PTK2: variants seen among roughly 807,000 people sequenced by gnomAD.
The protein encoded by PTK2 is focal adhesion kinase 1.
In PTK2, 45 loss-of-function variants were observed where a neutral mutation model predicts 150.1. The ratio of observed to expected loss-of-function variants is 0.30; its 90% confidence interval spans 0.24 to 0.38. The LOEUF (loss-of-function observed/expected upper bound fraction) is 0.38, where lower values mean the gene tolerates loss of function less well. Among genes scored for constraint, PTK2 ranks in the 10% least tolerant of loss-of-function variants. PTK2 has a pLI of 1.00. For missense variants in PTK2, 919 were observed against 1,307.3 expected (o/e 0.70, Z 4.58); for synonymous variants, 432 against 449.2 (o/e 0.96, Z 0.48).
chr8:140,743,413 G>C, intron 19 of PTK2, 83 bp from the exon 23 acceptor site: 1 of 1,034,304 alleles, frequency 9.7e-7, no homozygotes. Flanking sequence ...ATACCAATAG[G>C]CACTTTGAAA....
intron 5 of PTK2, among the ~76,000 whole-genome samples, chr8:140,847,541 T>C (rs2100126327): frequency 6.6e-6 from 1 of 152,186 alleles, no homozygotes; most frequent in African/African-American, 2.4e-5. Flanking sequence ...CATTTTGAAC[T>C]TCACATGAAA....
At chr8:140,693,846 A>T (rs1042513905) in intron 26 of PTK2, among the ~76,000 whole-genome samples, 1 of 152,120 alleles carries the variant, frequency 6.6e-6, no homozygotes, top group Non-Finnish European at 1.5e-5. Flanking sequence ...ATGTCTTCTG[A>T]CATCTAAAAT....
At chr8:140,706,475 A>G (rs1377705589) in intron 23 of PTK2, among the ~76,000 whole-genome samples, 1 of 152,246 alleles carries the variant, frequency 6.6e-6, no homozygotes, top group Non-Finnish European at 1.5e-5. Flanking sequence ...GTCTAAATGT[A>G]AAAGTTAAAA....
At chr8:140,989,852 G>A (rs2100194998) in intron 1 of PTK2, among the ~76,000 whole-genome samples, 1 of 150,490 alleles carries the variant, frequency 6.6e-6, no homozygotes, top group South Asian at 2.1e-4. Flanking sequence ...AGGTTGCGGT[G>A]AGCCGAGGTT....
intron 29 of PTK2, 170 bp from the exon 33 acceptor site, chr8:140,669,905 A>AG (rs1416475662): frequency 4.1e-6 from 3 of 732,434 alleles, no homozygotes; most frequent in Non-Finnish European, 6.8e-6. Flanking sequence ...CACTGTTGCC[A>AG]GGGTGTGGCT....
At position 140,894,843 on chromosome 8, in the gene PTK2, A is replaced by G. The variant is rs565016328; in HGVS notation, c.-32-4074T>C. Among the ~76,000 whole-genome samples the G allele has an allele frequency of 2.0e-5, 3 of 152,344 alleles. No individual in the cohort carries two copies. The East Asian group carries it at 5.8e-4, about 29-fold the overall frequency. On this transcript the variant is annotated intron_variant, in intron 2 of 31. Transcript: ENST00000522684. Reference sequence around the variant, plus strand: ...TCTGAGTATACATGAATACACCCTTATAACTTTTGGTACGCTATAGAAGAT... The same window carrying G: ...TCTGAGTATACATGAATACACCCTTGTAACTTTTGGTACGCTATAGAAGAT...
At chr8:140,734,217 A>G (rs2100051230) in intron 22 of PTK2, among the ~76,000 whole-genome samples, 1 of 152,240 alleles carries the variant, frequency 6.6e-6, no homozygotes, top group Admixed American at 6.5e-5. Context: ...AAACAAACCC[A>G]TAAAAACTCA....
chr8:140,901,084 C>T (rs2154607688), intron 2 of PTK2, among the ~76,000 whole-genome samples: 1 of 152,244 alleles, frequency 6.6e-6, no homozygotes, highest in South Asian at 2.1e-4. Flanking sequence ...GAATGGAGAT[C>T]TCAAATATAA....
At chr8:140,802,481 T>A (rs1239178392) in intron 11 of PTK2, among the ~76,000 whole-genome samples, 1 of 152,326 alleles carries the variant, frequency 6.6e-6, no homozygotes, top group Non-Finnish European at 1.5e-5. Context: ...TAAAAGTTAC[T>A]GTAAGCTAAT....
At chr8:140,844,376 G>A (rs1567405572) in intron 7 of PTK2, among the ~76,000 whole-genome samples, 1 of 151,960 alleles carries the variant, frequency 6.6e-6, no homozygotes, top group Non-Finnish European at 1.5e-5. Flanking sequence ...TTTGAGAGAG[G>A]GTATTTACAT....
intron 30 of PTK2, among the ~76,000 whole-genome samples, chr8:140,667,939 A>G (rs1351701036): frequency 6.6e-6 from 1 of 152,220 alleles, no homozygotes. Context: ...TCAAGTTTAC[A>G]TAAATGGCAT....
At chr8:140,746,098 G>A (rs1045446819) in intron 18 of PTK2, among the ~76,000 whole-genome samples, 3 of 152,058 alleles carry the variant, frequency 2.0e-5, no homozygotes, top group African/African-American at 4.8e-5. Context: ...TTGCGAGGCC[G>A]AGGCAGGCGG....
intron 1 of PTK2, among the ~76,000 whole-genome samples, chr8:140,937,209 G>A (rs1309534484): frequency 6.6e-6 from 1 of 152,084 alleles, no homozygotes; most frequent in Non-Finnish European, 1.5e-5. Context: ...ATAAGTGATG[G>A]AGGGCAAGAA....
chr8:140,976,103 T>C (rs1280149764), intron 1 of PTK2, among the ~76,000 whole-genome samples: 1 of 152,186 alleles, frequency 6.6e-6, no homozygotes, highest in African/African-American at 2.4e-5. Context: ...CTACACTTTA[T>C]AAATAAGGAC....
At chr8:140,764,601 C>G (rs139426239) in intron 14 of PTK2, 6 of 418,600 alleles carry the variant, frequency 1.4e-5, no homozygotes, top group Middle Eastern at 6.1e-4. Flanking sequence ...ATCTACCAAC[C>G]GCAAAGCTCT....
chr8:140,896,793 G>GGGGC lies in PTK2; in HGVS notation c.-32-6025_-32-6024insGCCC, dbSNP rs1555343121. On this transcript the variant is annotated intron_variant, in intron 2 of 31. Coordinates refer to ENST00000522684, the Ensembl canonical transcript of PTK2. ...CCCCCTTCCCCCCAAAAAAACGGGG[G>GGGGC]GGGGGGGTGGGTAAAACATAAACAT... Among the ~76,000 whole-genome samples the GGGGC allele has an allele frequency of 6.4e-5, 8 of 124,744 alleles. 1 individual carries two copies. Among genetic ancestry groups the GGGGC allele is most frequent in the Admixed American group, 6.1e-4 (8 of 13,044 alleles). 81.8% of individuals were successfully genotyped at this position (124,744 alleles called of 152,430 possible). A position where few individuals can be genotyped will look rare whatever the true frequency, so the allele number is the denominator to read the frequency against.
chr8:140,813,295 T>C (rs1247520361), intron 10 of PTK2, among the ~76,000 whole-genome samples: 3 of 151,658 alleles, frequency 2.0e-5, no homozygotes, highest in Admixed American at 6.6e-5. Context: ...GGGTAAATAA[T>C]GAAATTAAGG....
chr8:140,729,513 G>T (rs995585567), intron 22 of PTK2, among the ~76,000 whole-genome samples: 1 of 152,174 alleles, frequency 6.6e-6, no homozygotes, highest in Non-Finnish European at 1.5e-5. Context: ...AAAATACTTT[G>T]AAAGTACAAA....
intron 1 of PTK2, among the ~76,000 whole-genome samples, chr8:140,978,497 G>C (rs1231809714): frequency 1.3e-5 from 2 of 152,122 alleles, no homozygotes; most frequent in African/African-American, 2.4e-5. Context: ...GCAGCCAAGA[G>C]ACACATGAAA....
Sources: allele counts gnomAD v4.1 joint callset (sites outside exome capture counted in the v4.1 genomes callset), GRCh38; gene constraint gnomAD v4.1.1; transcripts MANE v1.5; gene names NCBI Gene and HGNC (gene_info 2026-07-23, HGNC 2026-07-21).